CSMD1: variants seen among roughly 807,000 people sequenced by gnomAD.
CSMD1 encodes CUB and sushi domain-containing protein 1.
A neutral mutation model predicts 417.5 loss-of-function variants in CSMD1; 213 were observed. That is an observed-to-expected ratio of 0.51 (90% CI 0.46 to 0.57). CSMD1 has a LOEUF of 0.57. Among genes scored for constraint, CSMD1 ranks in the 20% least tolerant of loss-of-function variants. CSMD1 has a pLI of 0.00. For synonymous variants in CSMD1, 2,862 were observed against 1,736.8 expected, an observed-to-expected ratio of 1.65 and a Z score of -16.11; for missense variants, 6,923 against 4,529.7, an observed-to-expected ratio of 1.53 and a Z score of -15.17.
intron 3 of CSMD1, among the ~76,000 whole-genome samples, chr8:4,419,575 T>G (rs1016518581): frequency 6.6e-6 from 1 of 152,170 alleles, no homozygotes; most frequent in Non-Finnish European, 1.5e-5. Context: ...TTTCCTTTAC[T>G]CAAGCACTAT....
chr8:4,139,012 A>ACCAC (rs1803610793), intron 3 of CSMD1, among the ~76,000 whole-genome samples: 2 of 151,964 alleles, frequency 1.3e-5, no homozygotes, highest in Non-Finnish European at 1.5e-5. Context: ...CACATGCAGA[A>ACCAC]AGGACATATG....
intron 49 of CSMD1, among the ~76,000 whole-genome samples, chr8:3,082,003 C>G (rs567045083): frequency 2.0e-5 from 3 of 152,268 alleles, no homozygotes; most frequent in African/African-American, 7.2e-5. Flanking sequence ...CCAAATACTC[C>G]CAGCAATCAT....
intron 1 of CSMD1, among the ~76,000 whole-genome samples, chr8:4,639,676 C>G (rs1209417550): frequency 6.6e-6 from 1 of 152,128 alleles, no homozygotes; most frequent in African/African-American, 2.4e-5. Flanking sequence ...TATCTCAGCT[C>G]TTATTGTTAA....
chr8:3,695,087 C>CGTGTGTGT (rs1276176981), intron 7 of CSMD1, among the ~76,000 whole-genome samples: 1,620 of 145,560 alleles, frequency 0.011, 26 homozygotes, highest in African/African-American at 0.03. Flanking sequence ...GGAGGCCCTG[C>CGTGTGTGT]GTGTGTGTGT....
chr8:3,128,524 T>C (rs1470474057), intron 41 of CSMD1: 3 of 259,894 alleles, frequency 1.2e-5, no homozygotes, highest in African/African-American at 2.3e-5. Flanking sequence ...TTAGGAGTTA[T>C]TAATTATAAG....
At chr8:3,963,872 G>A (rs190407808) in intron 5 of CSMD1, among the ~76,000 whole-genome samples, 4 of 152,152 alleles carry the variant, frequency 2.6e-5, no homozygotes, top group Admixed American at 6.5e-5. Flanking sequence ...TGAAGGTATA[G>A]ATGTTAACTG....
intron 23 of CSMD1, among the ~76,000 whole-genome samples, chr8:3,319,591 C>G (rs1156464250): frequency 2.0e-5 from 3 of 152,092 alleles, no homozygotes; most frequent in African/African-American, 7.2e-5. Flanking sequence ...ACACATTCAA[C>G]AATAACTTTT....
chr8:4,852,538 G>T (rs1801539224), intron 1 of CSMD1, among the ~76,000 whole-genome samples: 4 of 151,940 alleles, frequency 2.6e-5, no homozygotes. Context: ...CCTAGCCTTG[G>T]GTATTTCTAC....
intron 12 of CSMD1, among the ~76,000 whole-genome samples, chr8:3,467,018 G>C (rs997984998): frequency 2.0e-5 from 3 of 152,048 alleles, no homozygotes; most frequent in African/African-American, 7.2e-5. Context: ...CATCTCTCAA[G>C]GACTGATGGC....
intron 2 of CSMD1, among the ~76,000 whole-genome samples, chr8:4,609,568 G>C (rs1449202270): frequency 6.6e-6 from 1 of 152,100 alleles, no homozygotes; most frequent in East Asian, 1.9e-4. Flanking sequence ...ACAAAAGTGA[G>C]CAGAATAAAC....
chr8:4,664,625 A>G (rs1462952632), intron 1 of CSMD1, among the ~76,000 whole-genome samples: 3 of 152,212 alleles, frequency 2.0e-5, no homozygotes, highest in African/African-American at 7.2e-5. Context: ...AAATGTTTTC[A>G]AGAGTTCTCA....
chr8:3,282,785 A>G (rs912071588), intron 26 of CSMD1, among the ~76,000 whole-genome samples: 6 of 152,200 alleles, frequency 3.9e-5, no homozygotes, highest in African/African-American at 1.4e-4. Flanking sequence ...TATAACCTCA[A>G]TTATATTAGC....
At chr8:4,654,635 G>C (rs1173832062) in intron 1 of CSMD1, among the ~76,000 whole-genome samples, 1 of 152,256 alleles carries the variant, frequency 6.6e-6, no homozygotes, top group East Asian at 1.9e-4. Context: ...TAAAATGGTT[G>C]AAGTCAGCTT....
chr8:4,107,553 G>A (rs1801631271), intron 3 of CSMD1, among the ~76,000 whole-genome samples: 1 of 152,216 alleles, frequency 6.6e-6, no homozygotes, highest in South Asian at 2.1e-4. Context: ...AAGCTACAAA[G>A]TAGCACCTGC....
chr8:4,344,132 T>A (rs1800642701), intron 3 of CSMD1, among the ~76,000 whole-genome samples: 1 of 152,092 alleles, frequency 6.6e-6, no homozygotes, highest in East Asian at 1.9e-4. Flanking sequence ...AACACACTGA[T>A]CATTAGCAAC....
At chr8:4,020,412 C>A (rs1487086139) in intron 4 of CSMD1, among the ~76,000 whole-genome samples, 2 of 152,146 alleles carry the variant, frequency 1.3e-5, no homozygotes, top group Non-Finnish European at 2.9e-5. Context: ...GACATCTGTT[C>A]AAAATATTTA....
chr8:3,462,415 C>T (rs371917685), intron 12 of CSMD1, among the ~76,000 whole-genome samples: 1 of 152,184 alleles, frequency 6.6e-6, no homozygotes, highest in Non-Finnish European at 1.5e-5. Context: ...GGCAACGGAG[C>T]ATTACCACCT....
chr8:4,912,620 TG>T (rs1440454084), intron 1 of CSMD1, among the ~76,000 whole-genome samples: 1 of 152,206 alleles, frequency 6.6e-6, no homozygotes, highest in East Asian at 1.9e-4. Context: ...CAAGTTTGTT[TG>T]GCTTCCTTTG....
At chr8:4,651,945 C>T (rs998822521) in intron 1 of CSMD1, among the ~76,000 whole-genome samples, 1 of 152,112 alleles carries the variant, frequency 6.6e-6, no homozygotes, top group Non-Finnish European at 1.5e-5. Context: ...ATAGGGAGAA[C>T]TTTAACTCAA....
Sources: gnomAD v4.1 joint callset for allele counts (sites outside exome capture counted in the v4.1 genomes callset) on GRCh38, gnomAD v4.1.1 for gene constraint, MANE v1.5 for transcripts, NCBI Gene and HGNC (gene_info 2026-07-23, HGNC 2026-07-21) for gene names.